ASAP2: variants seen among roughly 807,000 people sequenced by gnomAD.
The protein encoded by ASAP2 is ArfGAP with SH3 domain, ankyrin repeat and PH domain 2.
Under a neutral mutation model 131.4 loss-of-function variants are expected in ASAP2, and 45 were observed. That is an observed-to-expected ratio of 0.34 (90% CI 0.27 to 0.44). ASAP2 has a LOEUF of 0.44. Among genes scored for constraint, ASAP2 ranks in the 20% least tolerant of loss-of-function variants. The probability of loss-of-function intolerance (pLI) is 1.00; values close to 1 mark genes in which losing one functional copy is unlikely to be tolerated. For missense variants in ASAP2, 1,011 were observed against 1,297.0 expected (o/e 0.78, Z 3.39); for synonymous variants, 510 against 503.0 (o/e 1.01, Z -0.19).
chr2:9,315,506 G>C (rs184794896), intron 3 of ASAP2, among the ~76,000 whole-genome samples: 2 of 152,256 alleles, frequency 1.3e-5, no homozygotes, highest in Admixed American at 1.3e-4. Flanking sequence ...CAAGTGAGGA[G>C]GGTGGGAGAG....
chr2:9,236,245 C>T (rs1278272270), intron 1 of ASAP2, among the ~76,000 whole-genome samples: 1 of 152,002 alleles, frequency 6.6e-6, no homozygotes, highest in Non-Finnish European at 1.5e-5. Flanking sequence ...TGAAGTTGAC[C>T]TGGATGTTTC....
intron 1 of ASAP2, among the ~76,000 whole-genome samples, chr2:9,249,874 G>A (rs1664588224): frequency 6.6e-6 from 1 of 152,214 alleles, no homozygotes; most frequent in African/African-American, 2.4e-5. Context: ...CCAGATTTTT[G>A]TTTTGGGCTG....
chr2:9,393,558 G>A lies in ASAP2; in HGVS notation c.2595G>A (p.Lys865=). 6.3e-7 allele frequency: 1 copy of A among 1,593,790 alleles called. No homozygotes were observed. Among genetic ancestry groups the A allele is most frequent in the South Asian group, 1.1e-5 (1 of 88,762 alleles). ...TGGAAGCCTTGAGCCAGCCGAGCAAGCCTGCCCCGCCTGGGATCTCACAGA... is the reference window on the plus strand; with the variant it reads ...TGGAAGCCTTGAGCCAGCCGAGCAAACCTGCCCCGCCTGGGATCTCACAGA... ...SVMEALSQPS[K]PAPPGISQIR... The change falls in exon 24 of 28, where the codon AAG becomes AAA. Residue 865 remains lysine (K), a synonymous_variant. Transcript: ENST00000281419.
intron 12 of ASAP2, among the ~76,000 whole-genome samples, chr2:9,354,987 A>AT: frequency 6.6e-6 from 1 of 152,080 alleles, no homozygotes; most frequent in Non-Finnish European, 1.5e-5. Flanking sequence ...ATATAATTTT[A>AT]TTTTTTGCTT....
chr2:9,338,236 G>C (rs969391665), intron 9 of ASAP2, among the ~76,000 whole-genome samples: 1 of 151,924 alleles, frequency 6.6e-6, no homozygotes, highest in Non-Finnish European at 1.5e-5. Context: ...GGTCTCACAG[G>C]TCTGAGTGCT....
chr2:9,390,917 A>G (rs1404546323), intron 22 of ASAP2, 145 bp from the exon 23 acceptor site: 4 of 1,203,896 alleles, frequency 3.3e-6, no homozygotes, highest in Non-Finnish European at 4.7e-6. Flanking sequence ...CAGGAGTAAA[A>G]GCATTGAGGG....
chr2:9,396,077 C>T (rs576270048), intron 24 of ASAP2, among the ~76,000 whole-genome samples: 40 of 152,226 alleles, frequency 2.6e-4, no homozygotes, highest in African/African-American at 4.3e-4. Context: ...GGCAGGGCAG[C>T]GGCTAAGGCT....
chr2:9,235,852 G>A (rs1005124884), intron 1 of ASAP2, among the ~76,000 whole-genome samples: 2 of 152,226 alleles, frequency 1.3e-5, no homozygotes, highest in Non-Finnish European at 2.9e-5. Context: ...GCCTTCCCAT[G>A]AATGGCAAGG....
intron 26 of ASAP2, 145 bp from the exon 27 acceptor site, chr2:9,401,129 C>T: frequency 9.9e-7 from 1 of 1,008,794 alleles, no homozygotes; most frequent in Non-Finnish European, 1.5e-6. Context: ...CTGAGCTGCA[C>T]TGACCTGCCC....
intron 26 of ASAP2, 110 bp downstream of exon 26, chr2:9,400,940 G>A (rs776927886): frequency 6.8e-5 from 79 of 1,166,550 alleles, no homozygotes; most frequent in Non-Finnish European, 8.7e-5. Flanking sequence ...GGCTGGGGCA[G>A]GGCGGGGCTC....
chr2:9,247,660 CA>C (rs1478988131), intron 1 of ASAP2, among the ~76,000 whole-genome samples: 1 of 152,184 alleles, frequency 6.6e-6, no homozygotes, highest in Non-Finnish European at 1.5e-5. Flanking sequence ...GAATGATACT[CA>C]GTCATTAATT....
chr2:9,375,328 G>A (rs1343361369), intron 17 of ASAP2, among the ~76,000 whole-genome samples: 4 of 152,168 alleles, frequency 2.6e-5, no homozygotes, highest in Admixed American at 2.0e-4. Context: ...TGTGGAATCA[G>A]CAGTACTGAC....
intron 15 of ASAP2, among the ~76,000 whole-genome samples, chr2:9,367,646 C>T (rs1293491219): frequency 2.0e-5 from 3 of 151,920 alleles, no homozygotes; most frequent in African/African-American, 4.8e-5. Context: ...CTATAGTCCC[C>T]GCTGCTTGGG....
intron 7 of ASAP2, among the ~76,000 whole-genome samples, chr2:9,330,421 G>C (rs1275937740): frequency 6.6e-6 from 1 of 152,140 alleles, no homozygotes; most frequent in Non-Finnish European, 1.5e-5. Context: ...GAGGGTGAAG[G>C]GAGTGGGGAT....
At chr2:9,252,848 G>A (rs954527726) in intron 1 of ASAP2, among the ~76,000 whole-genome samples, 6 of 151,338 alleles carry the variant, frequency 4.0e-5, no homozygotes, top group Admixed American at 3.9e-4. Context: ...CCCAGGAGGC[G>A]GAGCTTGCAG....
At chr2:9,218,718 C>A (rs1000740280) in intron 1 of ASAP2, among the ~76,000 whole-genome samples, 15 of 152,214 alleles carry the variant, frequency 9.9e-5, no homozygotes, top group African/African-American at 3.6e-4. Flanking sequence ...GCGATGAGTC[C>A]AGTCTTTCCA....
In ASAP2 at chr2:9,401,397, G is replaced by GCCAC; in HGVS notation, c.2946+1_2946+2insCCAC. The GCCAC allele has an allele frequency of 6.2e-7, 1 of 1,613,252 alleles. No individual in the cohort carries two copies. The highest frequency in any genetic ancestry group is 8.5e-7 in the Non-Finnish European group (1 of 1,179,758). On this transcript the variant is annotated splice_donor_variant, in intron 27 of 27. Coordinates refer to ENST00000281419, the MANE Select transcript of ASAP2 (RefSeq NM_003887.3). LOFTEE classifies it high-confidence loss of function. ...CGGGGAGGAGGACCAGGAGTGGTGG[G>GCCAC]TGAGTCAAGGGTGGGCCTGGGAGGT...
intron 12 of ASAP2, among the ~76,000 whole-genome samples, chr2:9,353,831 C>T (rs1178701111): frequency 4.6e-5 from 7 of 151,888 alleles, no homozygotes; most frequent in Non-Finnish European, 8.8e-5. Flanking sequence ...GAATTGGGGC[C>T]AGGGGCAGTG....
intron 1 of ASAP2, among the ~76,000 whole-genome samples, chr2:9,222,946 T>G (rs1662530710): frequency 6.6e-6 from 1 of 152,200 alleles, no homozygotes; most frequent in South Asian, 2.1e-4. Flanking sequence ...CTCTTGACTT[T>G]CATTGCCTTG....
Sources: allele counts gnomAD v4.1 joint callset (sites outside exome capture counted in the v4.1 genomes callset), GRCh38; gene constraint gnomAD v4.1.1; transcripts MANE v1.5; gene names NCBI Gene and HGNC (gene_info 2026-07-23, HGNC 2026-07-21).